Variants in DLGAP2 observed in about 807,000 individuals in gnomAD.
The protein encoded by DLGAP2 is disks large-associated protein 2.
In DLGAP2, 26 loss-of-function variants were observed where a neutral mutation model predicts 100.3. The ratio of observed to expected loss-of-function variants is 0.26; its 90% CI spans 0.19 to 0.36. DLGAP2 has a LOEUF of 0.36. DLGAP2 is among the 10% of genes least tolerant of loss of function. DLGAP2 has a pLI of 1.00. For missense variants in DLGAP2, 1,858 were observed against 1,453.2 expected, an observed-to-expected ratio of 1.28 and a Z score of -4.53; for synonymous variants, 886 against 630.1, an observed-to-expected ratio of 1.41 and a Z score of -6.08.
intron 1 of DLGAP2, among the ~76,000 whole-genome samples, chr8:788,147 G>A (rs1821925530): frequency 6.6e-6 from 1 of 152,382 alleles, no homozygotes; most frequent in South Asian, 2.1e-4. Context: ...TGGTGATGAA[G>A]TGTGGTAGAA....
intron 8 of DLGAP2, among the ~76,000 whole-genome samples, chr8:1,637,380 A>C (rs1403233290): frequency 2.0e-5 from 3 of 152,004 alleles, no homozygotes; most frequent in Admixed American, 6.5e-5. Context: ...TGTCACTCTG[A>C]CACAAGGGCT....
At chr8:1,372,503 T>G (rs2129714019) in intron 3 of DLGAP2, among the ~76,000 whole-genome samples, 1 of 152,330 alleles carries the variant, frequency 6.6e-6, no homozygotes, top group East Asian at 1.9e-4. Flanking sequence ...ACGTCCGGGC[T>G]GCATAATTCC....
At position 1,169,165 on chromosome 8, in the gene DLGAP2, A is replaced by C. The variant is rs563471987; in HGVS notation, c.74-89686A>C. ...TCCTTTCCCCATTGCTTGTTTTTCT[A>C]AGGTTTGTCAAAGATCAGATGGTTG... On this transcript the variant is annotated intron_variant, in intron 2 of 14. Transcript: ENST00000637795. Among the ~76,000 whole-genome samples the C allele has an allele frequency of 5.2e-3, 796 of 151,698 alleles. 9 individuals are homozygous for C. The highest frequency in any genetic ancestry group is 0.017 in the African/African-American group (707 of 41,262).
intron 3 of DLGAP2, among the ~76,000 whole-genome samples, chr8:1,287,789 A>ATGTG (rs1340707673): frequency 0.023 from 826 of 35,782 alleles, 50 homozygotes; most frequent in South Asian, 0.036. Context: ...GTCTGTGTGT[A>ATGTG]TGTGTGTGTG....
chr8:935,495 T>A (rs1442024389), intron 2 of DLGAP2, among the ~76,000 whole-genome samples: 2 of 152,258 alleles, frequency 1.3e-5, no homozygotes, highest in Non-Finnish European at 2.9e-5. Context: ...AAATAAACTA[T>A]ATTAAAATTA....
At chr8:985,873 A>T (rs1233789967) in intron 2 of DLGAP2, among the ~76,000 whole-genome samples, 3 of 152,112 alleles carry the variant, frequency 2.0e-5, no homozygotes, top group Non-Finnish European at 2.9e-5. Context: ...CGATCACCTG[A>T]CAAACCCCCT....
At position 1,632,946 on chromosome 8, in the gene DLGAP2, C is replaced by G. The variant is rs770168947; in HGVS notation, c.1710C>G (p.His570Gln). 4 of 1,614,006 alleles carry G rather than the reference C, an allele frequency of 2.5e-6. No homozygotes were observed. Among genetic ancestry groups the G allele is most frequent in the Non-Finnish European group, 3.4e-6 (4 of 1,179,906 alleles). Reference sequence around the variant, plus strand: ...CGGGATGTTTCCGAACAAGGAGTCACAGCTACCTTCGAGCCATTCAAGCCG... The same window carrying G: ...CGGGATGTTTCCGAACAAGGAGTCAGAGCTACCTTCGAGCCATTCAAGCCG... The part of the protein sequence containing the change: ...DLPGCFRTRS[H>Q]SYLRAIQAGY... The change falls in exon 8 of 15, where the codon CAC becomes CAG. Residue 570 changes from histidine (H) to glutamine (Q), a missense_variant. By Grantham distance (24) the His-to-Gln change is conservative (BLOSUM62 0). Transcript: ENST00000637795.
intron 3 of DLGAP2, among the ~76,000 whole-genome samples, chr8:1,411,185 A>G (rs1418283284): frequency 6.6e-6 from 1 of 152,220 alleles, no homozygotes; most frequent in Admixed American, 6.5e-5. Context: ...GCTTAACTAC[A>G]GAGAAATTAT....
At chr8:1,595,148 C>T (rs984467658) in intron 6 of DLGAP2, among the ~76,000 whole-genome samples, 1 of 152,094 alleles carries the variant, frequency 6.6e-6, no homozygotes, top group East Asian at 1.9e-4. Context: ...GCAAGCGATT[C>T]TCCCACCTCA....
intron 14 of DLGAP2, 32 bp downstream of exon 14, chr8:1,697,331 C>A (rs1173722829): frequency 3.2e-6 from 5 of 1,559,508 alleles, no homozygotes; most frequent in Admixed American, 1.8e-5. Flanking sequence ...CGGCTCCCAG[C>A]AAACCCCCTT....
intron 3 of DLGAP2, among the ~76,000 whole-genome samples, chr8:1,360,641 C>G (rs868222372): frequency 2.6e-5 from 4 of 152,172 alleles, no homozygotes; most frequent in Non-Finnish European, 5.9e-5. Context: ...ATGCACACCC[C>G]CCACATCCTG....
intron 1 of DLGAP2, among the ~76,000 whole-genome samples, chr8:898,142 G>A (rs1798181990): frequency 6.6e-6 from 1 of 152,342 alleles, no homozygotes. Context: ...CCGTACAGCA[G>A]GAAAGCGCTC....
At chr8:1,432,927 G>T (rs951473453) in intron 3 of DLGAP2, among the ~76,000 whole-genome samples, 1 of 152,196 alleles carries the variant, frequency 6.6e-6, no homozygotes, top group African/African-American at 2.4e-5. Context: ...CGAGCATCGA[G>T]GCGCGGAGTT....
At chr8:876,686 T>C (rs1797691698) in intron 1 of DLGAP2, among the ~76,000 whole-genome samples, 1 of 152,210 alleles carries the variant, frequency 6.6e-6, no homozygotes, top group African/African-American at 2.4e-5. Context: ...TTTCAGTATG[T>C]TTGGGAGGTT....
intron 3 of DLGAP2, among the ~76,000 whole-genome samples, chr8:1,428,559 TTGAC>T (rs1389542940): frequency 6.6e-6 from 1 of 151,758 alleles, no homozygotes; most frequent in East Asian, 1.9e-4. Flanking sequence ...ATAGGTCAGA[TTGAC>T]TGCTGGGAAC....
chr8:1,281,989 GCGC>G, intron 3 of DLGAP2, among the ~76,000 whole-genome samples: 1 of 8,174 alleles, frequency 1.2e-4, no homozygotes, highest in East Asian at 1.4e-3. Context: ...TGAACCCAGC[GCGC>G]CCTGAACCAT....
chr8:1,291,955 G>A (rs976990189), intron 3 of DLGAP2, among the ~76,000 whole-genome samples: 3 of 152,122 alleles, frequency 2.0e-5, no homozygotes, highest in East Asian at 3.9e-4. Context: ...ACAATCCAGG[G>A]GCCTGAAAGA....
At chr8:1,360,357 C>T (rs1156543058) in intron 3 of DLGAP2, among the ~76,000 whole-genome samples, 1 of 151,950 alleles carries the variant, frequency 6.6e-6, no homozygotes, top group African/African-American at 2.4e-5. Flanking sequence ...ATCACCAGCC[C>T]AGGGTGCAGC....
At chr8:1,657,156 T>C (rs1224228983) in intron 8 of DLGAP2, among the ~76,000 whole-genome samples, 2 of 152,248 alleles carry the variant, frequency 1.3e-5, no homozygotes, top group Non-Finnish European at 2.9e-5. Context: ...TAAACAATCA[T>C]TTCTTCTTCT....
Sources: allele counts gnomAD v4.1 joint callset (sites outside exome capture counted in the v4.1 genomes callset), GRCh38; gene constraint gnomAD v4.1.1; transcripts MANE v1.5; gene names NCBI Gene and HGNC (gene_info 2026-07-23, HGNC 2026-07-21).